The following PRKN variants were observed in gnomAD, a reference collection of about 807,000 sequenced individuals.
The protein encoded by PRKN is E3 ubiquitin-protein ligase parkin.
PRKN carries 56 observed loss-of-function variants against 59.5 expected under a neutral mutation model. The ratio of observed to expected loss-of-function variants is 0.94; its 90% CI spans 0.76 to 1.18. The LOEUF is 1.18. Ranked by LOEUF, PRKN falls within the 50% of genes most tolerant of loss-of-function variation. PRKN has a pLI of 0.00. For synonymous variants in PRKN, 250 were observed against 222.1 expected (o/e 1.13, Z -1.12); for missense variants, 657 against 596.4 (o/e 1.10, Z -1.06).
chr6:161,749,459 G>T (rs779864970), intron 7 of PRKN, among the ~76,000 whole-genome samples: 29 of 152,268 alleles, frequency 1.9e-4, no homozygotes, highest in Non-Finnish European at 4.1e-4. Flanking sequence ...AAAGTAATTT[G>T]CAGGATCAAT....
At chr6:161,915,905 G>C (rs570687554) in intron 6 of PRKN, among the ~76,000 whole-genome samples, 9 of 152,236 alleles carry the variant, frequency 5.9e-5, no homozygotes, top group African/African-American at 1.7e-4. Flanking sequence ...CAATGTATAA[G>C]CAAGAATCCA....
At chr6:162,413,419 T>C (rs1788447598) in intron 2 of PRKN, among the ~76,000 whole-genome samples, 1 of 152,116 alleles carries the variant, frequency 6.6e-6, no homozygotes, top group South Asian at 2.1e-4. Flanking sequence ...GAAACATTTG[T>C]GAAATATAGA....
chr6:161,816,917 C>T (rs3016536), intron 6 of PRKN, among the ~76,000 whole-genome samples: 68,085 of 151,908 alleles, frequency 0.45, 15,631 homozygotes, highest in East Asian at 0.69. Context: ...TCCTCCAAAA[C>T]GGTACCCATA....
intron 1 of PRKN, chr6:162,727,283 AG>A (rs112041767): frequency 3.8e-6 from 1 of 265,568 alleles, no homozygotes. Context: ...CAGTGAGGTG[AG>A]GGGCGAAGGT....
chr6:162,725,525 G>A lies in PRKN; in HGVS notation c.7+2137C>T, dbSNP rs575856588. On this transcript the variant is annotated intron_variant, in intron 1 of 11. Transcript: ENST00000366898. ...CTGTAATCCCAGCACTTTCAGAGGCGAATGCGGGAGGATTGCTTGAGCCCA... is the reference window on the plus strand; with the variant it reads ...CTGTAATCCCAGCACTTTCAGAGGCAAATGCGGGAGGATTGCTTGAGCCCA... 3.9e-5 allele frequency among the ~76,000 whole-genome samples: 6 copies of A among 152,218 alleles called. No individual in the cohort carries two copies. The East Asian group carries it at 5.8e-4, about 15-fold the overall frequency.
At chr6:162,018,935 G>A (rs1783030521) in intron 5 of PRKN, among the ~76,000 whole-genome samples, 1 of 152,136 alleles carries the variant, frequency 6.6e-6, no homozygotes, top group Admixed American at 6.6e-5. Flanking sequence ...TGGTGCACTA[G>A]CTGAATATCA....
chr6:162,025,459 C>T (rs1465981852), intron 5 of PRKN, among the ~76,000 whole-genome samples: 1 of 152,044 alleles, frequency 6.6e-6, no homozygotes, highest in Non-Finnish European at 1.5e-5. Context: ...TCCCTATATA[C>T]TGTCCAATTC....
chr6:162,189,759 A>ATAT (rs1784195057), intron 4 of PRKN, among the ~76,000 whole-genome samples: 1 of 152,000 alleles, frequency 6.6e-6, no homozygotes, highest in East Asian at 2.0e-4. Context: ...ATATTATGTC[A>ATAT]TATTGGTTTA....
intron 1 of PRKN, among the ~76,000 whole-genome samples, chr6:162,664,050 C>G (rs771737224): frequency 6.6e-6 from 1 of 152,056 alleles, no homozygotes; most frequent in African/African-American, 2.4e-5. Context: ...TTCCCCTCAC[C>G]CTCCACCCTG....
intron 1 of PRKN, among the ~76,000 whole-genome samples, chr6:162,664,359 T>G (rs1212065450): frequency 6.6e-6 from 1 of 152,242 alleles, no homozygotes; most frequent in Non-Finnish European, 1.5e-5. Flanking sequence ...AACATACGTG[T>G]ACATATGTCT....
intron 4 of PRKN, among the ~76,000 whole-genome samples, chr6:162,200,809 C>A (rs1417304103): frequency 6.6e-6 from 1 of 152,168 alleles, no homozygotes; most frequent in Non-Finnish European, 1.5e-5. Context: ...CCTAAGGTTC[C>A]TAAATGGTCC....
intron 2 of PRKN, among the ~76,000 whole-genome samples, chr6:162,363,317 A>C (rs991348572): frequency 6.6e-6 from 1 of 151,988 alleles, no homozygotes. Flanking sequence ...CTGTAATTCA[A>C]TTTGGTTTCT....
chr6:161,789,261 G>C (rs889293265), intron 6 of PRKN, among the ~76,000 whole-genome samples: 1 of 152,192 alleles, frequency 6.6e-6, no homozygotes, highest in Non-Finnish European at 1.5e-5. Flanking sequence ...AAATCAAAGA[G>C]GAGGGGAAAG....
chr6:161,398,154 A>G (rs1786854188), intron 9 of PRKN, among the ~76,000 whole-genome samples: 1 of 152,124 alleles, frequency 6.6e-6, no homozygotes, highest in South Asian at 2.1e-4. Context: ...AGTTTTCTCA[A>G]GGAGATGACA....
intron 7 of PRKN, among the ~76,000 whole-genome samples, chr6:161,628,577 T>C (rs1271258969): frequency 6.6e-6 from 1 of 152,192 alleles, no homozygotes; most frequent in Non-Finnish European, 1.5e-5. Context: ...TAGCAGTGGG[T>C]AAACATTTAG....
intron 6 of PRKN, among the ~76,000 whole-genome samples, chr6:161,885,062 T>C (rs2128230480): frequency 6.6e-6 from 1 of 151,292 alleles, no homozygotes; most frequent in East Asian, 1.9e-4. Context: ...ACCTACTGCA[T>C]CTTCATTAAC....
At chr6:162,711,840 A>C (rs1289833917) in intron 1 of PRKN, among the ~76,000 whole-genome samples, 1 of 152,190 alleles carries the variant, frequency 6.6e-6, no homozygotes, top group Non-Finnish European at 1.5e-5. Flanking sequence ...AAGAGGGGCA[A>C]GTCATTGCAA....
intron 6 of PRKN, among the ~76,000 whole-genome samples, chr6:161,952,929 G>A (rs549819510): frequency 7.6e-4 from 116 of 152,268 alleles, no homozygotes; most frequent in Non-Finnish European, 4.3e-4. Flanking sequence ...GTAGGATGAC[G>A]ACGTGAGTCA....
At chr6:161,849,545 C>T (rs1487099096) in intron 6 of PRKN, among the ~76,000 whole-genome samples, 4 of 152,160 alleles carry the variant, frequency 2.6e-5, no homozygotes. Flanking sequence ...CCCCACCTTC[C>T]TCACACTCCC....
Sources: allele counts gnomAD v4.1 joint callset (sites outside exome capture counted in the v4.1 genomes callset), GRCh38; gene constraint gnomAD v4.1.1; transcripts MANE v1.5; gene names NCBI Gene and HGNC (gene_info 2026-07-23, HGNC 2026-07-21).